Variants in PCDHGB3 observed in about 807,000 individuals in gnomAD.
PCDHGB3 encodes the protein protocadherin gamma-B3.
Under a neutral mutation model 59.2 loss-of-function variants are expected in PCDHGB3, and 40 were observed. That is an observed-to-expected ratio of 0.68 (90% confidence interval 0.52 to 0.88). The LOEUF is 0.88. Ranked by LOEUF, PCDHGB3 falls within the 40% of genes least tolerant of loss-of-function variation. PCDHGB3 has a pLI of 0.00. For missense variants in PCDHGB3, 1,309 were observed against 1,187.9 expected (o/e 1.10, Z -1.50); for synonymous variants, 581 against 503.6 (o/e 1.15, Z -2.06).
intron 2 of PCDHGB3, among the ~76,000 whole-genome samples, chr5:141,504,788 TC>T (rs1235410120): frequency 6.6e-6 from 1 of 152,070 alleles, no homozygotes; most frequent in Non-Finnish European, 1.5e-5. Context: ...TCTTGGGGCC[TC>T]CTACATCTCC....
At chr5:141,482,338 T>C (rs2099556539) in intron 1 of PCDHGB3, among the ~76,000 whole-genome samples, 1 of 152,156 alleles carries the variant, frequency 6.6e-6, no homozygotes, top group African/African-American at 2.4e-5. Context: ...ATATCTACTT[T>C]GCAAACTTGT....
In PCDHGB3 at chr5:141,431,211, G is replaced by A. The variant is rs1054638121; in HGVS notation, c.2415+58402G>A. The A allele has an allele frequency of 6.2e-7, 1 of 1,614,004 alleles. No individual in the cohort carries two copies. The highest frequency in any genetic ancestry group is 1.7e-5 in the Admixed American group (1 of 60,006). ...AGTGAAAATGCAGCCACTGAGATGC[G>A]GTTCCCTCTACCCCACGCCTGGGAT... On this transcript the variant is annotated intron_variant, in intron 1 of 3. Coordinates refer to ENST00000576222, the MANE Select transcript of PCDHGB3 (RefSeq NM_018924.5). This position sits in a 1 kb window ranked among gnomAD's most constrained non-coding sequence, Gnocchi z 4.8.
At chr5:141,427,573 T>C in intron 1 of PCDHGB3, 1 of 667,160 alleles carries the variant, frequency 1.5e-6, no homozygotes, top group Non-Finnish European at 2.8e-6. Context: ...AAGCCTCCGC[T>C]CTCATCCAGC....
Position 141,370,519 on chromosome 5 carries a change from A to G in PCDHGB3, c.125A>G (p.Asp42Gly), listed in dbSNP as rs1766991925. 1 of 1,613,730 alleles carries G rather than the reference A, an allele frequency of 6.2e-7. No homozygotes were observed. The highest frequency in any genetic ancestry group is 1.1e-5 in the South Asian group (1 of 91,086). ...CGCTACGCTATTCCCGAGGAGCTGG[A>G]CAGGGGCTCGCTGGTAGGGAACCTC... is the stretch of plus-strand genomic sequence containing the variant. The part of the protein sequence containing the change: ...PIRYAIPEEL[D>G]RGSLVGNLAK... The change falls in exon 1 of 4, where the codon GAC becomes GGC. Residue 42 changes from aspartate (D) to glycine (G), a missense_variant. Coordinates refer to ENST00000576222, the MANE Select transcript of PCDHGB3 (RefSeq NM_018924.5).
At chr5:141,400,143 T>C (rs2093969868) in intron 1 of PCDHGB3, 2 of 1,613,986 alleles carry the variant, frequency 1.2e-6, no homozygotes, top group Admixed American at 3.3e-5. Flanking sequence ...CGGATATCAC[T>C]GACCGCCCTG....
intron 1 of PCDHGB3, among the ~76,000 whole-genome samples, chr5:141,468,994 T>C (rs2099188173): frequency 6.7e-6 from 1 of 148,824 alleles, no homozygotes; most frequent in Non-Finnish European, 1.5e-5. Context: ...ATTATTGTTT[T>C]TGCTGGGTGC....
At position 141,432,379 on chromosome 5, in the gene PCDHGB3, G is replaced by A; in HGVS notation, c.2415+59570G>A. On this transcript the variant is annotated intron_variant, in intron 1 of 3. Transcript: ENST00000576222. The surrounding 1 kb of genome is among the most constrained non-coding windows in gnomAD (Gnocchi z 6.0). ...TGATGGCGCGGGACAACGGGCACCC[G>A]CCCCTCAGCAGCAACGTGTCGTTGA... 1.2e-6 allele frequency: 2 copies of A among 1,614,208 alleles called. No homozygotes were observed. The highest frequency in any genetic ancestry group is 1.7e-6 in the Non-Finnish European group (2 of 1,180,038).
At chr5:141,407,563 A>T (rs1483622352) in intron 1 of PCDHGB3, among the ~76,000 whole-genome samples, 1 of 152,032 alleles carries the variant, frequency 6.6e-6, no homozygotes, top group Non-Finnish European at 1.5e-5. Context: ...ACATAAGCTG[A>T]AAGATAAAAT....
chr5:141,489,425 G>T lies in PCDHGB3; in HGVS notation c.2416-5382G>T, dbSNP rs779739693. 6.2e-7 allele frequency: 1 copy of T among 1,614,118 alleles called. No homozygotes were observed. The highest frequency in any genetic ancestry group is 8.5e-7 in the Non-Finnish European group (1 of 1,180,030). The stretch of plus-strand genomic sequence containing the variant: ...TTAAAGATGACAGATCTGTTGAGCC[G>T]GCGGCTGCAATTGGGCTCTGAGGAG... On this transcript the variant is annotated intron_variant, in intron 1 of 3. Transcript: ENST00000576222. This position sits in a 1 kb window ranked among gnomAD's most constrained non-coding sequence, Gnocchi z 4.5.
At position 141,487,289 on chromosome 5, in the gene PCDHGB3, G is replaced by T; in HGVS notation, c.2416-7518G>T. 6.2e-7 allele frequency: 1 copy of T among 1,614,096 alleles called. No individual in the cohort carries two copies. The highest frequency in any genetic ancestry group is 8.5e-7 in the Non-Finnish European group (1 of 1,180,024). On this transcript the variant is annotated intron_variant, in intron 1 of 3. Coordinates refer to ENST00000576222, the MANE Select transcript of PCDHGB3 (RefSeq NM_018924.5). The surrounding 1 kb of genome is among the most constrained non-coding windows in gnomAD (Gnocchi z 5.0). Reference sequence around the variant, plus strand: ...AGTGGCAATTTGCTTTGTCTCCTTTGGCTCATTCGTGGCACTACTCTCTAA... The same window carrying T: ...AGTGGCAATTTGCTTTGTCTCCTTTTGCTCATTCGTGGCACTACTCTCTAA...
chr5:141,419,354 C>G (rs1444462815), intron 1 of PCDHGB3: 1 of 1,613,828 alleles, frequency 6.2e-7, no homozygotes, highest in Admixed American at 1.7e-5. Flanking sequence ...CCTGGAGTCA[C>G]GAACGCTGTC....
chr5:141,393,508 T>C, intron 1 of PCDHGB3: 1 of 1,614,010 alleles, frequency 6.2e-7, no homozygotes, highest in Non-Finnish European at 8.5e-7. Context: ...CACGTGACAG[T>C]GTTGGATACA....
At chr5:141,495,292 C>T (rs74321313) in intron 2 of PCDHGB3, among the ~76,000 whole-genome samples, 8,567 of 152,256 alleles carry the variant, frequency 0.056, 526 homozygotes, top group African/African-American at 0.16. Context: ...CCGCACTCAG[C>T]GCCTCCTCCA....
At chr5:141,425,484 TA>T (rs929097245) in intron 1 of PCDHGB3, among the ~76,000 whole-genome samples, 1 of 152,258 alleles carries the variant, frequency 6.6e-6, no homozygotes, top group African/African-American at 2.4e-5. Context: ...TATGGCAACC[TA>T]CTAGGCTATA....
chr5:141,500,467 C>T lies in PCDHGB3; in HGVS notation c.2475-4926C>T, dbSNP rs368360639. 6.6e-5 allele frequency among the ~76,000 whole-genome samples: 10 copies of T among 152,262 alleles called. No homozygotes were observed. In the South Asian group the frequency reaches 2.1e-3, roughly 32 times the overall value. ...CTCGTGATCCGCCCGCCTCGGCCTC[C>T]CAAAGTGCTGGGATTACAGGCGTGA... is the stretch of plus-strand genomic sequence containing the variant. On this transcript the variant is annotated intron_variant, in intron 2 of 3. Coordinates refer to ENST00000576222, the MANE Select transcript of PCDHGB3 (RefSeq NM_018924.5).
chr5:141,462,471 C>T (rs1464947091), intron 1 of PCDHGB3, among the ~76,000 whole-genome samples: 1 of 152,020 alleles, frequency 6.6e-6, no homozygotes, highest in East Asian at 1.9e-4. Context: ...GTGTATTCTG[C>T]TTCTCGTGGT....
intron 1 of PCDHGB3, chr5:141,419,360 C>T (rs763624320): frequency 6.2e-7 from 1 of 1,613,818 alleles, no homozygotes; most frequent in South Asian, 1.1e-5. Flanking sequence ...GTCACGAACG[C>T]TGTCGTCCTA....
intron 1 of PCDHGB3, among the ~76,000 whole-genome samples, chr5:141,381,826 CTTTTTTTTTTTTTT>C (rs770630741): frequency 1.3e-5 from 1 of 74,284 alleles, no homozygotes; most frequent in Non-Finnish European, 2.4e-5. Context: ...CTTTCTTCTT[CTTTTTTTTTTTTTT>C]TTTTTTTTGG....
intron 1 of PCDHGB3, chr5:141,385,162 C>T (rs750299709): frequency 6.2e-7 from 1 of 1,614,118 alleles, no homozygotes; most frequent in African/African-American, 1.3e-5. Context: ...GACCTATTCC[C>T]ATGAGGTCTC....
Sources: allele counts gnomAD v4.1 joint callset (sites outside exome capture counted in the v4.1 genomes callset), GRCh38; gene constraint gnomAD v4.1.1; non-coding constraint Gnocchi (gnomAD v3.1); transcripts MANE v1.5; gene names NCBI Gene and HGNC (gene_info 2026-07-23, HGNC 2026-07-21).